Variants in SORBS2 observed in about 807,000 individuals in gnomAD.
SORBS2 encodes sorbin and SH3 domain-containing protein 2.
A neutral mutation model predicts 97.7 loss-of-function variants in SORBS2; 46 were observed. That is an observed-to-expected ratio of 0.47 (90% CI 0.37 to 0.60). SORBS2 has a LOEUF of 0.60. SORBS2 is among the 20% of genes least tolerant of loss of function. The probability of loss-of-function intolerance (pLI) is 0.00; values close to 1 mark genes in which losing one functional copy is unlikely to be tolerated. For missense variants in SORBS2, 1,316 were observed against 1,282.3 expected (o/e 1.03, Z -0.40); for synonymous variants, 476 against 473.4 (o/e 1.01, Z -0.07).
chr4:185,684,587 G>A lies in SORBS2; in HGVS notation c.-197-5765C>T, dbSNP rs979763265. Among the ~76,000 whole-genome samples, 5 of 151,874 alleles carry A rather than the reference G, an allele frequency of 3.3e-5. No homozygotes were observed. Among genetic ancestry groups the A allele is most frequent in the African/African-American group, 1.2e-4 (5 of 41,314 alleles). On this transcript the variant is annotated intron_variant, in intron 2 of 20. Transcript: ENST00000284776. This position sits in a 1 kb window ranked among gnomAD's most constrained non-coding sequence, Gnocchi z 4.2. ...AAAACGTGAATAGTTATTAACACTC[G>A]CAGTTACTCAACCTATTTTTGGCAA... is the stretch of plus-strand genomic sequence containing the variant.
chr4:185,617,299 T>C (rs1466125181), intron 9 of SORBS2, among the ~76,000 whole-genome samples: 5 of 152,206 alleles, frequency 3.3e-5, no homozygotes, highest in Admixed American at 3.3e-4. Context: ...AAGCATCTTA[T>C]TTCTCTAATT....
intron 1 of SORBS2, among the ~76,000 whole-genome samples, chr4:185,845,300 G>A (rs940470684): frequency 6.6e-6 from 1 of 152,162 alleles, no homozygotes. Context: ...TGTTACAGGT[G>A]TGAGCCACTG....
In SORBS2 at chr4:185,647,738, CT is replaced by C. The variant is rs2097236703; in HGVS notation, c.282-957del. Among the ~76,000 whole-genome samples, 3 of 152,240 alleles carry C rather than the reference CT, an allele frequency of 2.0e-5. No homozygotes were observed. The South Asian group carries it at 6.2e-4, about 32-fold the overall frequency. ...GCAAGACCCCTTAAACTTTCTCAGT[CT>C]TCATTTTTTTCCATTTGTGTAAAAC... On this transcript the variant is annotated intron_variant, in intron 3 of 14. Transcript: ENST00000418609.
chr4:185,917,417 A>G (rs965804462), intron 1 of SORBS2, among the ~76,000 whole-genome samples: 2 of 152,094 alleles, frequency 1.3e-5, no homozygotes, highest in Non-Finnish European at 2.9e-5. Flanking sequence ...TTATAGAGAC[A>G]AGGTTTCGCC....
At chr4:185,655,573 C>T (rs974658088) in intron 1 of SORBS2, among the ~76,000 whole-genome samples, 2 of 152,168 alleles carry the variant, frequency 1.3e-5, no homozygotes, top group African/African-American at 2.4e-5. Flanking sequence ...ATTACAGTTC[C>T]TTATAAGGAA....
chr4:185,689,701 C>A (rs1483716433), intron 2 of SORBS2, among the ~76,000 whole-genome samples: 1 of 152,168 alleles, frequency 6.6e-6, no homozygotes, highest in Non-Finnish European at 1.5e-5. Context: ...GCTGGGTAAT[C>A]CTCCTTGTAG....
chr4:185,778,751 T>A (rs747461701), intron 1 of SORBS2, among the ~76,000 whole-genome samples: 1 of 152,182 alleles, frequency 6.6e-6, no homozygotes, highest in Non-Finnish European at 1.5e-5. Flanking sequence ...CTAGATCATT[T>A]GTACATCATT....
intron 1 of SORBS2, among the ~76,000 whole-genome samples, chr4:185,924,397 TC>T (rs34720520): frequency 0.38 from 57,310 of 151,772 alleles, 10,956 homozygotes; most frequent in East Asian, 0.56. Flanking sequence ...CGAAAAAGGG[TC>T]CTTGCCAAGT....
At chr4:185,637,941 C>G (rs1025879509) in intron 4 of SORBS2, 138 bp downstream of exon 15, 1 of 639,352 alleles carries the variant, frequency 1.6e-6, no homozygotes, top group Non-Finnish European at 2.8e-6. Flanking sequence ...ATCTGGACTA[C>G]GCTGTACCAA....
chr4:185,820,164 C>T (rs1472503846), intron 1 of SORBS2, among the ~76,000 whole-genome samples: 1 of 152,178 alleles, frequency 6.6e-6, no homozygotes, highest in Non-Finnish European at 1.5e-5. Context: ...AAAAGCAACA[C>T]AAATGCATGT....
chr4:185,898,005 C>A (rs1309997526), intron 1 of SORBS2, among the ~76,000 whole-genome samples: 1 of 152,198 alleles, frequency 6.6e-6, no homozygotes, highest in Non-Finnish European at 1.5e-5. Context: ...CCACTGCACT[C>A]TAGCCTGGGC....
chr4:185,628,578 T>C (rs62334755), intron 5 of SORBS2, among the ~76,000 whole-genome samples: 76,755 of 152,020 alleles, frequency 0.5, 19,861 homozygotes, highest in African/African-American at 0.6. Flanking sequence ...CTAGTGAGAC[T>C]CTGTCTCTAC....
rs568983549 is a variant in SORBS2 at position 185,678,078 on chromosome 4, G to A, written c.-46+345C>T. Among the ~76,000 whole-genome samples the A allele has an allele frequency of 1.5e-4, 23 of 152,150 alleles. No homozygotes were observed. In the South Asian group the frequency reaches 3.7e-3, roughly 25 times the overall value. On this transcript the variant is annotated intron_variant, in intron 4 of 20. Transcript: ENST00000284776. Reference sequence around the variant, plus strand: ...AGCCCTTTTAGTTAATATAATAGTTGCATACTCATAGTTATTGAATACATA... The same window carrying A: ...AGCCCTTTTAGTTAATATAATAGTTACATACTCATAGTTATTGAATACATA...
At chr4:185,873,533 A>T (rs2099231604) in intron 1 of SORBS2, among the ~76,000 whole-genome samples, 1 of 152,220 alleles carries the variant, frequency 6.6e-6, no homozygotes, top group Admixed American at 6.5e-5. Context: ...AGACAGTTTG[A>T]AATTCTAATT....
intron 4 of SORBS2, among the ~76,000 whole-genome samples, chr4:185,672,907 C>T (rs193242249): frequency 1.7e-4 from 26 of 152,260 alleles, no homozygotes; most frequent in African/African-American, 6.0e-4. Context: ...AAGGTCATTA[C>T]ATGGAAAATG....
At position 185,627,812 on chromosome 4, in the gene SORBS2, A is replaced by C. The variant is rs956267595; in HGVS notation, c.447-793T>G. Among the ~76,000 whole-genome samples, 3 of 152,306 alleles carry C rather than the reference A, an allele frequency of 2.0e-5. No homozygotes were observed. The East Asian group carries it at 5.8e-4, about 29-fold the overall frequency. On this transcript the variant is annotated intron_variant, in intron 5 of 14. Transcript: ENST00000418609. ...ATAAAATAGTCTTCCCGCCATAAAA[A>C]GCTTCTGTCCTCCAGCTTTTCATCC...
rs748790772 is a variant in SORBS2, at chr4:185,836,311, G to T, written c.-337-60945C>A. Among the ~76,000 whole-genome samples, 3 of 152,126 alleles carry T rather than the reference G, an allele frequency of 2.0e-5. No homozygotes were observed. In the East Asian group the frequency reaches 5.8e-4, roughly 29 times the overall value. ...ACTGTCTCACTGTACCCTTCCACAC[G>T]GCTTTACTTTCTGCTCAAAGCAGCA... On this transcript the variant is annotated intron_variant, in intron 1 of 20. Coordinates refer to the SORBS2 transcript ENST00000284776.
chr4:185,925,155 T>A (rs942286074), intron 1 of SORBS2, among the ~76,000 whole-genome samples: 2 of 152,254 alleles, frequency 1.3e-5, no homozygotes, highest in Admixed American at 1.3e-4. Context: ...CTCATTGTTA[T>A]ATTATTACTT....
At chr4:185,849,747 G>A (rs1008323834) in intron 1 of SORBS2, among the ~76,000 whole-genome samples, 1 of 152,160 alleles carries the variant, frequency 6.6e-6, no homozygotes. Flanking sequence ...TCCAATGAAT[G>A]TGTAACTATC....
Sources: gnomAD v4.1 joint callset for allele counts (sites outside exome capture counted in the v4.1 genomes callset) on GRCh38, gnomAD v4.1.1 for gene constraint, Gnocchi (gnomAD v3.1) non-coding constraint, MANE v1.5 for transcripts, NCBI Gene and HGNC (gene_info 2026-07-23, HGNC 2026-07-21) for gene names.